SLC2A14: variants seen among roughly 807,000 people sequenced by gnomAD.
SLC2A14 encodes the protein solute carrier family 2, facilitated glucose transporter member 14.
In SLC2A14, 13 loss-of-function variants were observed where a neutral mutation model predicts 43.0. That is an observed-to-expected ratio of 0.30 (90% CI 0.20 to 0.48). The LOEUF is 0.48. Among genes scored for constraint, SLC2A14 ranks in the 20% least tolerant of loss-of-function variants. The probability of loss-of-function intolerance (pLI) is 0.99; values close to 1 mark genes in which losing one functional copy is unlikely to be tolerated. For synonymous variants in SLC2A14, 190 were observed against 233.8 expected, an observed-to-expected ratio of 0.81 and a Z score of 1.71; for missense variants, 428 against 620.4, an observed-to-expected ratio of 0.69 and a Z score of 3.29.
At chr12:7,828,464 C>T (rs1864693955) in intron 6 of SLC2A14, among the ~76,000 whole-genome samples, 1 of 151,674 alleles carries the variant, frequency 6.6e-6, no homozygotes, top group Non-Finnish European at 1.5e-5. Flanking sequence ...AGGAGAATCG[C>T]TTAGAACCCA....
At chr12:7,867,567 C>A (rs1206000566) in intron 2 of SLC2A14, among the ~76,000 whole-genome samples, 3 of 151,978 alleles carry the variant, frequency 2.0e-5, no homozygotes, top group African/African-American at 7.3e-5. Flanking sequence ...TGGTTCTTGG[C>A]TGGGCTCAGT....
rs771532923 is a variant in SLC2A14 at position 7,849,039 on chromosome 12, A to G, written c.19-16225T>C. On this transcript the variant is annotated intron_variant, in intron 2 of 10. Transcript: ENST00000431042. ...CGGCTAATTTTTGTATTTTTAGTAG[A>G]GACAGGGTTTTGCCATGTTGGCCAG... Among the ~76,000 whole-genome samples, 156 of 151,702 alleles carry G rather than the reference A, an allele frequency of 1.0e-3. 1 individual carries two copies. Among genetic ancestry groups the G allele is most frequent in the African/African-American group, 3.7e-3 (152 of 41,350 alleles).
At chr12:7,854,010 G>A (rs796300131) in intron 2 of SLC2A14, among the ~76,000 whole-genome samples, 8 of 152,184 alleles carry the variant, frequency 5.3e-5, no homozygotes, top group African/African-American at 1.9e-4. Context: ...GGGTTGTCTC[G>A]TAAGTTAGTT....
In SLC2A14 at chr12:7,812,889, A is replaced by G. The variant is rs1223715769; in HGVS notation, c.*1427T>C. 1.3e-5 allele frequency: 2 copies of G among 152,262 alleles called. No homozygotes were observed. Among genetic ancestry groups the G allele is most frequent in the Non-Finnish European group, 2.9e-5 (2 of 68,100 alleles). The allele number at this position is 152,262 out of a possible 1,614,324, so 9.4% of individuals were successfully genotyped here. On this transcript the variant is annotated 3_prime_UTR_variant, in exon 11 of 11. Transcript: ENST00000431042. ...GGAACAAACACAGAGAAAATAAGTC[A>G]ACAATAACATACTTCCACCCAGAGC...
rs768496185 is a variant in SLC2A14 at position 7,828,812 on chromosome 12, C to T, written c.568G>A (p.Gly190Ser). The T allele has an allele frequency of 6.2e-7, 1 of 1,614,130 alleles. No homozygotes were observed. Among genetic ancestry groups the T allele is most frequent in the Admixed American group, 1.7e-5 (1 of 60,008 alleles). Reference sequence around the variant, plus strand: ...AGGATAGCTGGAAGGATGGTAAAGCCTAATAGCACCGGCCATAGCTCTTCA... The same window carrying T: ...AGGATAGCTGGAAGGATGGTAAAGCTTAATAGCACCGGCCATAGCTCTTCA... ...GSEELWPVLL[G>S]FTILPAILQS... Residue 190 changes from glycine to serine, a missense_variant, in exon 6 of 11, where the codon GGC (glycine) becomes AGC (serine). Gly to Ser is a moderately conservative substitution (Grantham distance 56). This residue lies in a region of SLC2A14 where 185 missense variants were observed against 275.4 expected (regional missense o/e 0.67). Coordinates refer to ENST00000431042, the MANE Select transcript of SLC2A14 (RefSeq NM_001286234.2).
At position 7,843,227 on chromosome 12, in the gene SLC2A14, C is replaced by T. The variant is rs768000117; in HGVS notation, c.19-10413G>A. On this transcript the variant is annotated intron_variant, in intron 2 of 10. Transcript: ENST00000431042. ...TTTATGTCTTCCTGAGGAAGGCTGACGGTGAATGAAGCGCATTAGACTGAG... is the reference window on the plus strand; with the variant it reads ...TTTATGTCTTCCTGAGGAAGGCTGATGGTGAATGAAGCGCATTAGACTGAG... 3.3e-4 allele frequency among the ~76,000 whole-genome samples: 49 copies of T among 150,440 alleles called. No homozygotes were observed. In the South Asian group the frequency reaches 6.2e-3, roughly 19 times the overall value.
At chr12:7,854,718 T>C (rs775918517) in intron 2 of SLC2A14, among the ~76,000 whole-genome samples, 3 of 152,122 alleles carry the variant, frequency 2.0e-5, no homozygotes, top group East Asian at 3.9e-4. Context: ...GGTTTCTCCA[T>C]GTTGGTCAGG....
chr12:7,842,754 G>A (rs1482276095), intron 2 of SLC2A14, among the ~76,000 whole-genome samples: 1 of 147,718 alleles, frequency 6.8e-6, no homozygotes, highest in Non-Finnish European at 1.5e-5. Flanking sequence ...TTGTGATGGA[G>A]TTTCGCTCTT....
At chr12:7,883,998 A>G (rs992824594) in intron 1 of SLC2A14, among the ~76,000 whole-genome samples, 1 of 148,134 alleles carries the variant, frequency 6.8e-6, no homozygotes, top group Non-Finnish European at 1.5e-5. Flanking sequence ...ATCTCGGCTC[A>G]CTGCAAGCTC....
At chr12:7,870,828 A>G in intron 1 of SLC2A14, 1 of 1,233,362 alleles carries the variant, frequency 8.1e-7, no homozygotes, top group Middle Eastern at 2.4e-4. Flanking sequence ...AACCCAGTGA[A>G]GCCCCCACCC....
chr12:7,871,086 C>G (rs938023178), intron 1 of SLC2A14: 2 of 1,368,408 alleles, frequency 1.5e-6, no homozygotes, highest in African/African-American at 2.9e-5. Context: ...TGAGCGAGGC[C>G]CCAGGGCCCA....
At chr12:7,830,520 C>T (rs1199883066) in intron 4 of SLC2A14, among the ~76,000 whole-genome samples, 6 of 152,116 alleles carry the variant, frequency 3.9e-5, no homozygotes, top group South Asian at 2.1e-4. Flanking sequence ...CTGGTAGTCC[C>T]AGCTACTCAG....
At chr12:7,874,766 T>C (rs1945390433), upstream of SLC2A14, among the ~76,000 whole-genome samples, 1 of 13,204 alleles carries the variant, frequency 7.6e-5, no homozygotes, top group East Asian at 1.0e-3. Flanking sequence ...TATATAACTA[T>C]ATAAACATAT....
At chr12:7,867,140 G>A (rs891112200) in intron 2 of SLC2A14, among the ~76,000 whole-genome samples, 16 of 152,080 alleles carry the variant, frequency 1.1e-4, no homozygotes, top group African/African-American at 2.9e-4. Flanking sequence ...TTAGCCGGGC[G>A]TGGTGGCGGG....
At chr12:7,871,716 C>A (rs752409740) in intron 1 of SLC2A14, among the ~76,000 whole-genome samples, 2 of 152,108 alleles carry the variant, frequency 1.3e-5, no homozygotes, top group East Asian at 1.9e-4. Context: ...AGGAAGGGAA[C>A]CTGTGTGCCC....
chr12:7,887,709 T>C (rs1402506529), intron 1 of SLC2A14, among the ~76,000 whole-genome samples: 1 of 152,140 alleles, frequency 6.6e-6, no homozygotes, highest in Admixed American at 6.6e-5. Context: ...ACTTGACCTT[T>C]TCTAATCATC....
chr12:7,870,799 TG>T, intron 1 of SLC2A14: 2 of 1,019,964 alleles, frequency 2.0e-6, no homozygotes, highest in Non-Finnish European at 2.5e-6. Flanking sequence ...TAAAGTAGTA[TG>T]GTCAGCCCAG....
chr12:7,888,342 T>A (rs778138650), intron 1 of SLC2A14, among the ~76,000 whole-genome samples: 2 of 152,118 alleles, frequency 1.3e-5, no homozygotes, highest in African/African-American at 4.8e-5. Context: ...AAAAGCATAA[T>A]CATTTTTTGA....
intron 2 of SLC2A14, among the ~76,000 whole-genome samples, chr12:7,840,382 T>C (rs1865852288): frequency 6.6e-6 from 1 of 152,040 alleles, no homozygotes; most frequent in Admixed American, 6.6e-5. Flanking sequence ...TTTTTGTTTT[T>C]GTTTTTGTTT....
Sources: gnomAD v4.1 joint callset for allele counts (sites outside exome capture counted in the v4.1 genomes callset) on GRCh38, gnomAD v4.1.1 for gene constraint, gnomAD v4.1.1 regional missense constraint, MANE v1.5 for transcripts, NCBI Gene and HGNC (gene_info 2026-07-23, HGNC 2026-07-21) for gene names.